The following HEXIM2 variants were observed in gnomAD, a reference collection of about 807,000 sequenced individuals.
HEXIM2 encodes protein HEXIM2.
For missense variants in HEXIM2, 413 were observed against 390.8 expected, an observed-to-expected ratio of 1.06 and a Z score of -0.48; for synonymous variants, 159 against 162.7, an observed-to-expected ratio of 0.98 and a Z score of 0.17.
chr17:45,169,380 C>A lies in HEXIM2; in HGVS notation c.432C>A (p.Thr144=). The change falls in exon 4 of 4, where the codon ACC becomes ACA. Residue 144 remains threonine (T), a synonymous_variant. Coordinates refer to ENST00000589230, the MANE Select transcript of HEXIM2 (RefSeq NM_001303441.2). ...KGQPVAPYNT[T]QFLMNDRDPE... is the part of the protein sequence containing the mutation. The stretch of plus-strand genomic sequence containing the variant: ...AGCCCGTGGCCCCCTACAACACCAC[C>A]CAGTTCCTGATGAATGACAGGGACC... The A allele has an allele frequency of 6.2e-7, 1 of 1,613,990 alleles. No individual in the cohort carries two copies. The highest frequency in any genetic ancestry group is 8.5e-7 in the Non-Finnish European group (1 of 1,180,016).
At chr17:45,161,292 G>A (rs994982390), upstream of HEXIM2, 6 of 312,768 alleles carry the variant, frequency 1.9e-5, no homozygotes, top group Admixed American at 1.2e-4. Context: ...GCGAGGCTGC[G>A]GGGCTGCCGG....
At chr17:45,165,576 C>T (rs911306635) in intron 3 of HEXIM2, among the ~76,000 whole-genome samples, 3 of 152,038 alleles carry the variant, frequency 2.0e-5, no homozygotes, top group Non-Finnish European at 2.9e-5. Context: ...TAAACAGATG[C>T]CCTGAACATA....
chr17:45,165,961 A>G (rs1366853299), intron 3 of HEXIM2, among the ~76,000 whole-genome samples: 2 of 150,598 alleles, frequency 1.3e-5, no homozygotes, highest in Admixed American at 1.3e-4. Flanking sequence ...CACCCGGCCA[A>G]TTTTTTTGTA....
At position 45,161,912 on chromosome 17, in the gene HEXIM2, A is replaced by C. The variant is rs1105858; in HGVS notation, c.-312A>C. 1,685 of 985,506 alleles carry C rather than the reference A, an allele frequency of 1.7e-3. 20 individuals carry two copies. The African/African-American group carries it at 0.027, about 16-fold the overall frequency. The allele number at this position is 985,506 out of a possible 1,614,324, so 61.0% of individuals were successfully genotyped here. A position where few individuals can be genotyped will look rare whatever the true frequency, so the allele number is the denominator to read the frequency against. ...CCATCTTAGTGGCCTGAGCGGCTTG[A>C]CCAGAGCTGCTGCAACTGCAGCAAG... On this transcript the variant is annotated 5_prime_UTR_variant, in exon 1 of 4. Coordinates refer to ENST00000589230, the MANE Select transcript of HEXIM2 (RefSeq NM_001303441.2).
rs746840473 is a variant in HEXIM2, at chr17:45,169,486, G to A, written c.538G>A (p.Gly180Arg). 6.2e-7 allele frequency: 1 copy of A among 1,613,218 alleles called. No homozygotes were observed. Among genetic ancestry groups the A allele is most frequent in the Non-Finnish European group, 8.5e-7 (1 of 1,179,744 alleles). Residue 180 changes from glycine to arginine, a missense_variant, in exon 4 of 4, where the codon GGG becomes AGG. Gly to Arg is a moderately radical substitution (Grantham distance 125, BLOSUM62 -2). Transcript: ENST00000589230. ...GGAGAGTGAGGCCGGGGACAGTGAT[G>A]GGCGGGGCCGAGCGCACGGTGAGTT... ...SGESEAGDSDGRGRAHGEFQR... is the reference protein window; with the variant it reads ...SGESEAGDSDRRGRAHGEFQR...
chr17:45,168,887 T>G (rs2042941519), intron 3 of HEXIM2, 128 bp from the exon 4 acceptor site: 2 of 857,840 alleles, frequency 2.3e-6, no homozygotes, highest in Middle Eastern at 3.6e-4. Flanking sequence ...TCCAAAAGGT[T>G]GAGGGGCTAA....
At position 45,170,000 on chromosome 17, in the gene HEXIM2, T is replaced by C; in HGVS notation, c.*191T>C. On this transcript the variant is annotated 3_prime_UTR_variant, in exon 4 of 4. Coordinates refer to ENST00000589230, the MANE Select transcript of HEXIM2 (RefSeq NM_001303441.2). ...TTGGCTCTTTTGTGTCATCTTACCC[T>C]TTACAGAGAAATTAAATGGCCTTGG... is the stretch of plus-strand genomic sequence containing the variant. The C allele has an allele frequency of 2.1e-6, 1 of 471,800 alleles. No individual in the cohort carries two copies. Among genetic ancestry groups the C allele is most frequent in the Non-Finnish European group, 3.7e-6 (1 of 272,822 alleles). 29.2% of individuals were successfully genotyped at this position (471,800 alleles called of 1,614,324 possible). A position where few individuals can be genotyped will look rare whatever the true frequency, so the allele number is the denominator to read the frequency against.
intron 3 of HEXIM2, 57 bp from the exon 4 acceptor site, chr17:45,168,958 T>A: frequency 6.7e-7 from 1 of 1,494,984 alleles, no homozygotes. Flanking sequence ...GAGGGAAAGG[T>A]TCCACCTCCA....
At chr17:45,160,863 A>G, upstream of HEXIM2, 1 of 1,270,558 alleles carries the variant, frequency 7.9e-7, no homozygotes, top group East Asian at 5.6e-5. Context: ...CCCAGGGGGA[A>G]TTAGTGGTTG....
intron 3 of HEXIM2, among the ~76,000 whole-genome samples, chr17:45,164,029 G>T (rs184779522): frequency 1.0e-4 from 15 of 150,718 alleles, no homozygotes; most frequent in East Asian, 9.8e-4. Flanking sequence ...ATGACAGGCG[G>T]CTGTAATCCC....
chr17:45,163,677 C>A (rs1567927269), intron 3 of HEXIM2, among the ~76,000 whole-genome samples: 3 of 144,172 alleles, frequency 2.1e-5, no homozygotes, highest in Admixed American at 6.9e-5. Context: ...GGTGAAACCT[C>A]ATCTCTACTA....
chr17:45,161,036 G>A, upstream of HEXIM2: 1 of 1,060,888 alleles, frequency 9.4e-7, no homozygotes, highest in South Asian at 1.3e-5. Flanking sequence ...GCCCTCCCCC[G>A]CGGCGCCAGC....
intron 3 of HEXIM2, among the ~76,000 whole-genome samples, chr17:45,164,199 T>C (rs1022767200): frequency 2.7e-5 from 4 of 150,638 alleles, no homozygotes; most frequent in Admixed American, 6.6e-5. Flanking sequence ...CTCACGCCTG[T>C]AATCCCAGCA....
In HEXIM2 at chr17:45,169,019, C is replaced by T. The variant is rs754754344; in HGVS notation, c.71C>T (p.Ser24Phe). The T allele has an allele frequency of 4.4e-6, 7 of 1,606,942 alleles. No individual in the cohort carries two copies. The Admixed American group carries it at 6.7e-5, about 15-fold the overall frequency. The change falls in exon 4 of 4, where the codon TCT (serine) becomes TTT (phenylalanine). Residue 24 changes from serine (S) to phenylalanine (F), a missense_variant. Physicochemically the swap from Ser to Phe is radical, Grantham distance 155. Coordinates refer to ENST00000589230, the MANE Select transcript of HEXIM2 (RefSeq NM_001303441.2). ...SPVALEEAKT[S>F]GAPGSPQTPP... ...CTTCCTCCTCCCTCTCTTTAGACCT[C>T]TGGTGCCCCGGGGAGCCCCCAAACA...
Position 45,169,066 on chromosome 17 carries a change from G to A in HEXIM2, c.118G>A (p.Gly40Ser). Residue 40 changes from glycine to serine, a missense_variant, in exon 4 of 4, where the codon GGT becomes AGT. Transcript: ENST00000589230. The part of the protein sequence containing the change: ...PQTPPERHDS[G>S]GSLPLTPRME... ...AACACCCCCTGAGCGTCATGACTCT[G>A]GTGGTTCCCTGCCCCTGACACCGCG... 1 of 1,614,044 alleles carries A rather than the reference G, an allele frequency of 6.2e-7. No individual in the cohort carries two copies. Among genetic ancestry groups the A allele is most frequent in the Non-Finnish European group, 8.5e-7 (1 of 1,180,016 alleles).
At chr17:45,167,789 G>A (rs1456943276) in intron 3 of HEXIM2, among the ~76,000 whole-genome samples, 1 of 151,894 alleles carries the variant, frequency 6.6e-6, no homozygotes, top group Non-Finnish European at 1.5e-5. Context: ...GTAGAGATGG[G>A]GTTTCACCAC....
chr17:45,160,597 C>G (rs1452559517), upstream of HEXIM2: 4 of 262,968 alleles, frequency 1.5e-5, no homozygotes, highest in Non-Finnish European at 3.1e-5. Context: ...TGGGCAACTC[C>G]GTTTCTATTT....
Position 45,162,031 on chromosome 17 carries a change from G to T in HEXIM2, c.-193G>T. ...TGTGCATAGCCCTTGACAGCGAATAGGTCAGTTCCACCTTTGCAAAACCTC... is the reference window on the plus strand; with the variant it reads ...TGTGCATAGCCCTTGACAGCGAATATGTCAGTTCCACCTTTGCAAAACCTC... On this transcript the variant is annotated splice_region_variant and 5_prime_UTR_variant, in exon 1 of 4. In the 5' UTR this introduces an upstream ATG that the reference lacks. Coordinates refer to ENST00000589230, the MANE Select transcript of HEXIM2 (RefSeq NM_001303441.2). The T allele has an allele frequency of 2.0e-6, 2 of 985,304 alleles. No individual in the cohort carries two copies. The highest frequency in any genetic ancestry group is 2.4e-6 in the Non-Finnish European group (2 of 829,688). 61.0% of individuals were successfully genotyped at this position (985,304 alleles called of 1,614,324 possible). A position where few individuals can be genotyped will look rare whatever the true frequency, so the allele number is the denominator to read the frequency against.
chr17:45,169,226 G>A lies in HEXIM2; in HGVS notation c.278G>A (p.Arg93Gln). ...EAVLARKKHR[R>Q]RPSKRKRHWR... ...GTGCTGGCCCGGAAGAAACACCGTCGGCGGCCATCGAAGCGCAAAAGGCAC... is the reference window on the plus strand; with the variant it reads ...GTGCTGGCCCGGAAGAAACACCGTCAGCGGCCATCGAAGCGCAAAAGGCAC... Residue 93 changes from arginine to glutamine, a missense_variant, in exon 4 of 4, where the codon CGG becomes CAG. By Grantham distance (43) the Arg-to-Gln change is conservative. Coordinates refer to ENST00000589230, the MANE Select transcript of HEXIM2 (RefSeq NM_001303441.2). The A allele has an allele frequency of 6.2e-7, 1 of 1,613,594 alleles. No homozygotes were observed. Among genetic ancestry groups the A allele is most frequent in the Non-Finnish European group, 8.5e-7 (1 of 1,180,024 alleles).
Sources: gnomAD v4.1 joint callset for allele counts (sites outside exome capture counted in the v4.1 genomes callset) on GRCh38, gnomAD v4.1.1 for gene constraint, MANE v1.5 for transcripts, NCBI Gene and HGNC (gene_info 2026-07-23, HGNC 2026-07-21) for gene names.